Variants in ZNF385B observed in about 807,000 individuals in gnomAD.
ZNF385B encodes zinc finger protein 385B.
In ZNF385B, 23 loss-of-function variants were observed where a neutral mutation model predicts 39.2. That is an observed-to-expected ratio of 0.59 (90% CI 0.42 to 0.83). The LOEUF (loss-of-function observed/expected upper bound fraction) is 0.83. Among genes scored for constraint, ZNF385B ranks in the 40% least tolerant of loss-of-function variants. The pLI is 0.00. For missense variants in ZNF385B, 552 were observed against 598.9 expected (o/e 0.92, Z 0.82); for synonymous variants, 205 against 222.6 (o/e 0.92, Z 0.70).
chr2:179,621,099 G>A (rs1690173005), intron 3 of ZNF385B, among the ~76,000 whole-genome samples: 1 of 151,914 alleles, frequency 6.6e-6, no homozygotes, highest in Non-Finnish European at 1.5e-5. Context: ...ATATATCAGG[G>A]TCTACACTGA....
chr2:179,646,654 T>C (rs1176502927), intron 3 of ZNF385B, among the ~76,000 whole-genome samples: 4 of 152,196 alleles, frequency 2.6e-5, no homozygotes, highest in Non-Finnish European at 5.9e-5. Flanking sequence ...CTTGGCACTT[T>C]ATTTGGTGTA....
At chr2:179,558,004 A>C (rs571801632) in intron 3 of ZNF385B, among the ~76,000 whole-genome samples, 1 of 152,184 alleles carries the variant, frequency 6.6e-6, no homozygotes, top group Admixed American at 6.6e-5. Flanking sequence ...TGATCAATAT[A>C]ACTAATTTAA....
At chr2:179,511,827 C>T (rs2057710943) in intron 5 of ZNF385B, among the ~76,000 whole-genome samples, 1 of 151,994 alleles carries the variant, frequency 6.6e-6, no homozygotes, top group Admixed American at 6.6e-5. Flanking sequence ...GCAAAAAGAA[C>T]AGAAGGCTAA....
intron 6 of ZNF385B, among the ~76,000 whole-genome samples, chr2:179,456,058 G>A (rs1007613015): frequency 6.6e-5 from 10 of 152,056 alleles, no homozygotes; most frequent in Non-Finnish European, 1.2e-4. Flanking sequence ...TGCATATCTC[G>A]GAATGTATCT....
intron 1 of ZNF385B, among the ~76,000 whole-genome samples, chr2:179,831,882 TC>T (rs2106599001): frequency 6.6e-6 from 1 of 152,348 alleles, no homozygotes; most frequent in African/African-American, 2.4e-5. Context: ...AATCTCTGAC[TC>T]CCTGCTATTT....
intron 3 of ZNF385B, among the ~76,000 whole-genome samples, chr2:179,713,160 C>T (rs902605875): frequency 6.6e-5 from 10 of 152,184 alleles, no homozygotes; most frequent in African/African-American, 2.2e-4. Context: ...GTATTAAATG[C>T]ATTTTCAACT....
intron 3 of ZNF385B, among the ~76,000 whole-genome samples, chr2:179,584,284 A>G (rs1230729591): frequency 1.3e-5 from 2 of 152,110 alleles, no homozygotes; most frequent in African/African-American, 4.8e-5. Context: ...GACATTGTCA[A>G]AAGTCCCTGG....
At chr2:179,782,094 T>A (rs1240943262) in intron 1 of ZNF385B, among the ~76,000 whole-genome samples, 1 of 152,110 alleles carries the variant, frequency 6.6e-6, no homozygotes, top group African/African-American at 2.4e-5. Flanking sequence ...AACAAAATAC[T>A]TGCAAACTGA....
At chr2:179,774,590 C>T (rs1389562004) in intron 1 of ZNF385B, among the ~76,000 whole-genome samples, 1 of 152,088 alleles carries the variant, frequency 6.6e-6, no homozygotes, top group South Asian at 2.1e-4. Context: ...ATCTCCTGAC[C>T]TTGTGATCCA....
At chr2:179,473,252 A>G (rs1006590520) in intron 6 of ZNF385B, among the ~76,000 whole-genome samples, 2 of 152,190 alleles carry the variant, frequency 1.3e-5, no homozygotes, top group African/African-American at 2.4e-5. Context: ...CTGAAATGAA[A>G]CCACAAGTGC....
intron 1 of ZNF385B, among the ~76,000 whole-genome samples, chr2:179,833,291 TTTAAG>T (rs1708078952): frequency 6.6e-6 from 1 of 152,160 alleles, no homozygotes; most frequent in Non-Finnish European, 1.5e-5. Context: ...AAAATGTTCT[TTTAAG>T]TTTTCTTTGA....
At chr2:179,569,850 T>G (rs1685013883) in intron 3 of ZNF385B, among the ~76,000 whole-genome samples, 1 of 152,214 alleles carries the variant, frequency 6.6e-6, no homozygotes, top group Admixed American at 6.5e-5. Context: ...ATTTATTTCC[T>G]CATTTAGTCC....
intron 5 of ZNF385B, among the ~76,000 whole-genome samples, chr2:179,509,104 G>A (rs1476819599): frequency 6.6e-6 from 1 of 151,930 alleles, no homozygotes; most frequent in Non-Finnish European, 1.5e-5. Flanking sequence ...CCACCACTAC[G>A]CCAGATTAAT....
chr2:179,451,100 T>G (rs1574193841), intron 6 of ZNF385B, among the ~76,000 whole-genome samples: 2 of 58,824 alleles, frequency 3.4e-5, no homozygotes, highest in East Asian at 7.2e-4. Flanking sequence ...GGGACTGTTG[T>G]GAGGTGGGGG....
chr2:179,808,434 G>C (rs1034276453), intron 1 of ZNF385B, among the ~76,000 whole-genome samples: 23 of 152,172 alleles, frequency 1.5e-4, no homozygotes, highest in African/African-American at 5.3e-4. Flanking sequence ...AAGAGAAAGG[G>C]ATAAAGCAAA....
At chr2:179,524,468 C>T (rs942336248) in intron 4 of ZNF385B, among the ~76,000 whole-genome samples, 4 of 135,974 alleles carry the variant, frequency 2.9e-5, no homozygotes, top group Non-Finnish European at 4.6e-5. Context: ...AGGAGAATGA[C>T]GTGAACCTGG....
chr2:179,717,599 G>C (rs887099267), intron 3 of ZNF385B, among the ~76,000 whole-genome samples: 5 of 152,184 alleles, frequency 3.3e-5, no homozygotes, highest in Admixed American at 6.5e-5. Flanking sequence ...AGCCAGGCTA[G>C]GTGGTACACG....
intron 3 of ZNF385B, among the ~76,000 whole-genome samples, chr2:179,721,122 T>C (rs775266615): frequency 1.4e-4 from 22 of 151,922 alleles, no homozygotes; most frequent in Non-Finnish European, 2.6e-4. Flanking sequence ...AAGGAATTAC[T>C]ACAGATGAAA....
intron 3 of ZNF385B, among the ~76,000 whole-genome samples, chr2:179,668,755 A>C (rs2106296961): frequency 6.6e-6 from 1 of 152,288 alleles, no homozygotes; most frequent in South Asian, 2.1e-4. Context: ...ATGTAAAGGA[A>C]ACATCATTTT....
Sources: allele counts gnomAD v4.1 joint callset (sites outside exome capture counted in the v4.1 genomes callset), GRCh38; gene constraint gnomAD v4.1.1; transcripts MANE v1.5; gene names NCBI Gene and HGNC (gene_info 2026-07-23, HGNC 2026-07-21).